Variants in HDAC8 observed in about 807,000 individuals in gnomAD.
The protein encoded by HDAC8 is histone deacetylase-like 1.
HDAC8 carries 1 observed loss-of-function variant against 32.2 expected under a neutral mutation model. The ratio of observed to expected loss-of-function variants is 0.03; its 90% CI spans 0.01 to 0.15. HDAC8 has a LOEUF of 0.15. HDAC8 is among the 10% of genes least tolerant of loss of function. The pLI is 1.00. For missense variants in HDAC8, 117 were observed against 300.0 expected, an observed-to-expected ratio of 0.39 and a Z score of 4.51; for synonymous variants, 108 against 113.9, an observed-to-expected ratio of 0.95 and a Z score of 0.33.
intron 4 of HDAC8, among the ~76,000 whole-genome samples, chrX:72,541,053 G>C (rs190801807): frequency 9.0e-6 from 1 of 111,468 alleles, no homozygotes; most frequent in East Asian, 2.8e-4. Context: ...GTGGTGGCGG[G>C]AGGGTGAAAC....
At chrX:72,444,043 A>C (rs1465647799) in intron 9 of HDAC8, among the ~76,000 whole-genome samples, 3 of 110,028 alleles carry the variant, frequency 2.7e-5, no homozygotes, top group Admixed American at 9.7e-5. Context: ...GGCAATAATC[A>C]ATAGCTTACC....
At chrX:72,569,553 T>C (rs1556145646) in intron 2 of HDAC8, among the ~76,000 whole-genome samples, 1 of 112,615 alleles carries the variant, frequency 8.9e-6, no homozygotes. Context: ...GTAATGTTTC[T>C]AGACTTGGAC....
intron 10 of HDAC8, among the ~76,000 whole-genome samples, chrX:72,349,160 G>A (rs2044107373): frequency 8.9e-6 from 1 of 112,430 alleles, no homozygotes; most frequent in African/African-American, 3.2e-5. Context: ...CATAGACCCT[G>A]TCTATGCCCT....
chrX:72,431,283 G>C (rs905362694), intron 9 of HDAC8, among the ~76,000 whole-genome samples: 1 of 112,078 alleles, frequency 8.9e-6, no homozygotes, highest in South Asian at 3.7e-4. Flanking sequence ...GGACAGACGA[G>C]TATCATGGGC....
At chrX:72,337,582 C>G (rs1248852486) in intron 10 of HDAC8, among the ~76,000 whole-genome samples, 1 of 111,210 alleles carries the variant, frequency 9.0e-6, no homozygotes, top group Non-Finnish European at 1.9e-5. Flanking sequence ...ACTGCTGTAA[C>G]TGTACCCCAA....
chrX:72,444,597 C>T (rs1440368112), intron 9 of HDAC8, among the ~76,000 whole-genome samples: 6 of 97,717 alleles, frequency 6.1e-5, no homozygotes, highest in Non-Finnish European at 1.0e-4. Flanking sequence ...TGGGCAAAAA[C>T]TGGAAGCATT....
At chrX:72,426,431 T>C (rs1411708038) in intron 9 of HDAC8, among the ~76,000 whole-genome samples, 2 of 111,717 alleles carry the variant, frequency 1.8e-5, no homozygotes, top group African/African-American at 3.3e-5. Context: ...CATTGGATAG[T>C]AGAGGAGAAA....
rs1170085000 is a variant in HDAC8, at chrX:72,493,625, TAC to T, written c.550+1529_550+1530del. Among the ~76,000 whole-genome samples, 21 of 111,757 alleles carry T rather than the reference TAC, an allele frequency of 1.9e-4. No individual in the cohort carries two copies. In the East Asian group the frequency reaches 5.6e-3, roughly 30 times the overall value. On this transcript the variant is annotated intron_variant, in intron 5 of 10. Coordinates refer to ENST00000373573, the MANE Select transcript of HDAC8 (RefSeq NM_018486.3). ...TCTATTGCACACGCACACACATATA[TAC>T]ACACACACAGACACATTTTTAAAAA...
chrX:72,495,530 T>C (rs1002967672), intron 4 of HDAC8, among the ~76,000 whole-genome samples: 14 of 112,080 alleles, frequency 1.2e-4, no homozygotes, highest in Non-Finnish European at 2.4e-4. Context: ...ATATTATAAC[T>C]ATATTGAACA....
chrX:72,410,065 G>A (rs919977641), intron 9 of HDAC8, among the ~76,000 whole-genome samples: 1 of 111,608 alleles, frequency 9.0e-6, no homozygotes, highest in South Asian at 3.8e-4. Context: ...AGAGATGGGA[G>A]GGGTAGCTCT....
chrX:72,482,612 G>C (rs868991051), intron 7 of HDAC8, among the ~76,000 whole-genome samples: 1 of 109,449 alleles, frequency 9.1e-6, no homozygotes, highest in South Asian at 3.9e-4. Flanking sequence ...TGGGGGGGGG[G>C]ATTTTCTGCA....
At chrX:72,429,687 C>G (rs1277417916) in intron 9 of HDAC8, among the ~76,000 whole-genome samples, 1 of 112,383 alleles carries the variant, frequency 8.9e-6, no homozygotes, top group Non-Finnish European at 1.9e-5. Flanking sequence ...GCCTTGTGGG[C>G]TGCCAATTCT....
chrX:72,501,075 A>G (rs1317544498), intron 4 of HDAC8, among the ~76,000 whole-genome samples: 1 of 111,579 alleles, frequency 9.0e-6, no homozygotes, highest in Non-Finnish European at 1.9e-5. Flanking sequence ...GAGGTGAAAG[A>G]TCTCTATAAA....
chrX:72,553,074 T>A (rs1181872419), intron 4 of HDAC8, among the ~76,000 whole-genome samples: 2 of 110,893 alleles, frequency 1.8e-5, no homozygotes, highest in Non-Finnish European at 3.8e-5. Context: ...AGATGGCATC[T>A]CCCTCTGTCG....
intron 9 of HDAC8, among the ~76,000 whole-genome samples, chrX:72,387,563 C>G (rs1220781270): frequency 9.0e-6 from 1 of 111,562 alleles, no homozygotes; most frequent in Non-Finnish European, 1.9e-5. Flanking sequence ...CCAGAGCCAC[C>G]CTGCCTGGGT....
At chrX:72,499,669 C>T (rs1365959582) in intron 4 of HDAC8, among the ~76,000 whole-genome samples, 1 of 111,630 alleles carries the variant, frequency 9.0e-6, no homozygotes, top group African/African-American at 3.3e-5. Context: ...ACTCCTAGCA[C>T]TAAATGCCCA....
At chrX:72,572,004 A>G (rs2147614217) in intron 2 of HDAC8, 53 bp downstream of exon 2, 1 of 1,019,999 alleles carries the variant, frequency 9.8e-7, no homozygotes, top group South Asian at 2.3e-5. Context: ...GAAGCAGGAT[A>G]TTAAGGCTAC....
chrX:72,564,877 T>A (rs1332453307), intron 4 of HDAC8, among the ~76,000 whole-genome samples: 1 of 112,329 alleles, frequency 8.9e-6, no homozygotes, highest in Admixed American at 9.5e-5. Context: ...TTGAAAATCA[T>A]CCTTTTTTAG....
At chrX:72,474,538 G>C in intron 7 of HDAC8, 4 of 1,104,450 alleles carry the variant, frequency 3.6e-6, no homozygotes, top group Non-Finnish European at 4.7e-6. Context: ...GGGAGGACAG[G>C]CATCTCTTTA....
Sources: allele counts gnomAD v4.1 joint callset (sites outside exome capture counted in the v4.1 genomes callset), GRCh38; gene constraint gnomAD v4.1.1; transcripts MANE v1.5; gene names NCBI Gene and HGNC (gene_info 2026-07-23, HGNC 2026-07-21).